The following ITCH variants were observed in gnomAD, a reference collection of about 807,000 sequenced individuals.
ITCH encodes the protein itchy E3 ubiquitin protein ligase, also known as E3 ubiquitin-protein ligase Itchy homolog.
Under a neutral mutation model 126.8 loss-of-function variants are expected in ITCH, and 28 were observed. The ratio of observed to expected loss-of-function variants is 0.22; its 90% CI spans 0.16 to 0.30. The LOEUF (loss-of-function observed/expected upper bound fraction) is 0.30. ITCH is among the 10% of genes least tolerant of loss of function. The pLI is 1.00. For synonymous variants in ITCH, 342 were observed against 340.0 expected, an observed-to-expected ratio of 1.01 and a Z score of -0.06; for missense variants, 631 against 1,032.4, an observed-to-expected ratio of 0.61 and a Z score of 5.33.
At chr20:34,485,659 C>G (rs1989050009) in intron 20 of ITCH, among the ~76,000 whole-genome samples, 2 of 152,096 alleles carry the variant, frequency 1.3e-5, no homozygotes, top group Admixed American at 1.3e-4. Context: ...TTCCCTCCCT[C>G]TTCTTACCTT....
rs149046008 is a variant in ITCH, at chr20:34,481,153, A to G, written c.2040A>G (p.Lys680=). ...ILGEIKSHDL[K]PNGGNILVTE... The stretch of plus-strand genomic sequence containing the variant: ...GTGAAATTAAGAGTCATGATCTGAA[A>G]CCTAATGGTGGCAATATTCTTGTAA... The change falls in exon 20 of 25, where the codon AAA becomes AAG. Residue 680 remains lysine (K), a synonymous_variant. Transcript: ENST00000374864. 2.5e-6 allele frequency: 4 copies of G among 1,613,328 alleles called. No homozygotes were observed. Among genetic ancestry groups the G allele is most frequent in the Admixed American group, 1.7e-5 (1 of 60,000 alleles).
At chr20:34,503,860 T>G (rs1990427375) in intron 23 of ITCH, among the ~76,000 whole-genome samples, 1 of 126,702 alleles carries the variant, frequency 7.9e-6, no homozygotes. Context: ...TGGGTTTTTT[T>G]TTTTTTTTGG....
chr20:34,492,692 G>A lies in ITCH; in HGVS notation c.2416+95G>A, dbSNP rs934178722. ...CAGCCTATTAGAAACAACAAAGACA[G>A]GGATAGCCATTTTCTTAACTATTCC... On this transcript the variant is annotated intron_variant, in intron 23 of 24. Coordinates refer to ENST00000374864, the MANE Select transcript of ITCH (RefSeq NM_031483.7). 8 of 824,628 alleles carry A rather than the reference G, an allele frequency of 9.7e-6. No homozygotes were observed. The African/African-American group carries it at 1.0e-4, about 10-fold the overall frequency. 51.1% of individuals were successfully genotyped at this position (824,628 alleles called of 1,614,324 possible). A position where few individuals can be genotyped will look rare whatever the true frequency, so the allele number is the denominator to read the frequency against.
intron 4 of ITCH, among the ~76,000 whole-genome samples, chr20:34,410,154 G>T (rs1046838094): frequency 2.0e-5 from 3 of 152,028 alleles, no homozygotes; most frequent in Non-Finnish European, 2.9e-5. Flanking sequence ...GATCACCTGA[G>T]GTCAGGAGTT....
intron 2 of ITCH, among the ~76,000 whole-genome samples, chr20:34,374,657 A>T (rs1296930356): frequency 1.3e-5 from 2 of 152,204 alleles, no homozygotes; most frequent in Non-Finnish European, 2.9e-5. Flanking sequence ...ATGACAGATC[A>T]GACTGGGACT....
At chr20:34,390,257 A>G (rs1194857014) in intron 2 of ITCH, among the ~76,000 whole-genome samples, 1 of 152,190 alleles carries the variant, frequency 6.6e-6, no homozygotes, top group Non-Finnish European at 1.5e-5. Flanking sequence ...GAAACTATAA[A>G]TTATAGATTA....
chr20:34,407,457 C>A (rs569183045), intron 3 of ITCH, among the ~76,000 whole-genome samples: 2 of 152,142 alleles, frequency 1.3e-5, no homozygotes, highest in Admixed American at 1.3e-4. Context: ...TTAGTAGAGA[C>A]GAGGTTTCGC....
chr20:34,416,710 TTTTTTC>T (rs1750486496), intron 6 of ITCH, among the ~76,000 whole-genome samples: 1 of 152,252 alleles, frequency 6.6e-6, no homozygotes, highest in African/African-American at 2.4e-5. Context: ...AGTGTACTTG[TTTTTTC>T]TTTTTCTTTA....
chr20:34,384,394 C>G (rs2038193269), intron 2 of ITCH: 1 of 148,422 alleles, frequency 6.7e-6, no homozygotes, highest in African/African-American at 2.5e-5. Context: ...CAATTCTCTT[C>G]CTCAGCCTCC....
At chr20:34,460,398 G>T (rs1299379642) in intron 13 of ITCH, among the ~76,000 whole-genome samples, 1 of 121,530 alleles carries the variant, frequency 8.2e-6, no homozygotes, top group Non-Finnish European at 1.6e-5. Flanking sequence ...TCTCTATGTT[G>T]CCCAGGCTGG....
intron 7 of ITCH, among the ~76,000 whole-genome samples, chr20:34,427,177 C>T (rs369142935): frequency 6.6e-6 from 1 of 152,182 alleles, no homozygotes. Flanking sequence ...TAGGTATCTG[C>T]TTTCACATTC....
intron 12 of ITCH, among the ~76,000 whole-genome samples, chr20:34,452,292 CTTTCTCA>C (rs1448513034): frequency 6.6e-6 from 1 of 152,118 alleles, no homozygotes; most frequent in Non-Finnish European, 1.5e-5. Flanking sequence ...TCATCCAGAT[CTTTCTCA>C]TTTTTACTTT....
At chr20:34,394,158 G>C (rs1041301250) in intron 3 of ITCH, among the ~76,000 whole-genome samples, 1 of 146,714 alleles carries the variant, frequency 6.8e-6, no homozygotes, top group African/African-American at 2.6e-5. Context: ...GTTGCAGTGA[G>C]CTGAGTTTGC....
At chr20:34,485,682 G>A (rs1041967900) in intron 20 of ITCH, among the ~76,000 whole-genome samples, 4 of 151,204 alleles carry the variant, frequency 2.6e-5, no homozygotes, top group Non-Finnish European at 3.0e-5. Flanking sequence ...CTTACGATAC[G>A]TCTAGATTTC....
chr20:34,480,385 A>G (rs1247632644), intron 18 of ITCH, among the ~76,000 whole-genome samples: 2 of 151,926 alleles, frequency 1.3e-5, no homozygotes, highest in Admixed American at 1.3e-4. Flanking sequence ...TGTTTTTAGT[A>G]GAGATGGGGT....
chr20:34,479,507 A>G (rs979255302), intron 17 of ITCH, 123 bp from the exon 18 acceptor site: 2 of 758,332 alleles, frequency 2.6e-6, no homozygotes, highest in Non-Finnish European at 4.4e-6. Flanking sequence ...AATAAAAATC[A>G]ACATGAGATT....
At chr20:34,394,972 C>T (rs2038622236) in intron 3 of ITCH, among the ~76,000 whole-genome samples, 1 of 152,086 alleles carries the variant, frequency 6.6e-6, no homozygotes, top group Admixed American at 6.5e-5. Context: ...TGGCTCACAC[C>T]TGTAATCCTA....
chr20:34,494,970 C>A (rs6059872), intron 23 of ITCH, among the ~76,000 whole-genome samples: 67,460 of 150,002 alleles, frequency 0.45, 15,626 homozygotes, highest in Middle Eastern at 0.51. Context: ...AAAATACATA[C>A]ACTGGGCGCG....
intron 9 of ITCH, 172 bp from the exon 10 acceptor site, chr20:34,442,036 A>G: frequency 1.5e-6 from 1 of 651,250 alleles, no homozygotes; most frequent in Non-Finnish European, 2.8e-6. Flanking sequence ...CCACTGCCTG[A>G]AGATTACATT....
Sources: gnomAD v4.1 joint callset for allele counts (sites outside exome capture counted in the v4.1 genomes callset) on GRCh38, gnomAD v4.1.1 for gene constraint, MANE v1.5 for transcripts, NCBI Gene and HGNC (gene_info 2026-07-23, HGNC 2026-07-21) for gene names.